KIF26B: variants seen among roughly 807,000 people sequenced by gnomAD.
The protein encoded by KIF26B is kinesin-like protein KIF26B.
In KIF26B, 63 loss-of-function variants were observed where a neutral mutation model predicts 151.2. That is an observed-to-expected ratio of 0.42 (90% CI 0.34 to 0.51). The LOEUF is 0.51. KIF26B is among the 20% of genes least tolerant of loss of function. The pLI is 0.07. For synonymous variants in KIF26B, 1,357 were observed against 1,262.1 expected (o/e 1.08, Z -1.59); for missense variants, 2,813 against 2,913.6 (o/e 0.97, Z 0.79).
rs1050554450 is a variant in KIF26B, at chr1:245,218,219, G to A, written c.465+61536G>A. 6.6e-6 allele frequency among the ~76,000 whole-genome samples: 1 copy of A among 152,088 alleles called. No homozygotes were observed. Among genetic ancestry groups the A allele is most frequent in the Non-Finnish European group, 1.5e-5 (1 of 68,014 alleles). ...TCATGTCACCAGAGCAGTGACATTC[G>A]GGCCCTCGGGGGCAGACTGTGCCTG... On this transcript the variant is annotated intron_variant, in intron 2 of 14. Coordinates refer to ENST00000407071, the MANE Select transcript of KIF26B (RefSeq NM_018012.4). This position sits in a 1 kb window ranked among gnomAD's most constrained non-coding sequence, Gnocchi z 4.1.
In KIF26B at chr1:245,698,592, G is replaced by A. The variant is rs2044725791; in HGVS notation, c.6027+284G>A. On this transcript the variant is annotated intron_variant, in intron 13 of 14. Coordinates refer to ENST00000407071, the MANE Select transcript of KIF26B (RefSeq NM_018012.4). The surrounding 1 kb of genome is among the most constrained non-coding windows in gnomAD (Gnocchi z 4.0). ...CTTTTCTGGCTCCTTGAGGCTCCCA[G>A]TCTTAACCAACCTTTGTCCAACTTG... Among the ~76,000 whole-genome samples the A allele has an allele frequency of 6.6e-6, 1 of 152,220 alleles. No homozygotes were observed. The highest frequency in any genetic ancestry group is 2.4e-5 in the African/African-American group (1 of 41,458).
rs185603287 is a variant in KIF26B, at chr1:245,273,306, T to A, written c.466-93528T>A. On this transcript the variant is annotated intron_variant, in intron 2 of 14. Transcript: ENST00000407071. ...TGTGGCACATGCCAGTCATCTCAGCTACTTGGGAGGCTGAGGCCAGAGAAT... is the reference window on the plus strand; with the variant it reads ...TGTGGCACATGCCAGTCATCTCAGCAACTTGGGAGGCTGAGGCCAGAGAAT... Among the ~76,000 whole-genome samples, 214 of 151,914 alleles carry A rather than the reference T, an allele frequency of 1.4e-3. 1 individual carries two copies. Among genetic ancestry groups the A allele is most frequent in the East Asian group, 3.9e-4 (2 of 5,162 alleles).
At chr1:245,371,274 C>G (rs934232338) in intron 3 of KIF26B, 2 of 152,542 alleles carry the variant, frequency 1.3e-5, no homozygotes, top group Non-Finnish European at 2.9e-5. Flanking sequence ...TGGGTCTGGC[C>G]AGACTGAGTG....
chr1:245,230,472 G>A (rs559665562), intron 2 of KIF26B, among the ~76,000 whole-genome samples: 297 of 152,326 alleles, frequency 1.9e-3, no homozygotes, highest in Middle Eastern at 3.4e-3. Flanking sequence ...GCCGGGCGTG[G>A]TGGCTCACGC....
chr1:245,670,529 TA>T (rs34620056), intron 10 of KIF26B, among the ~76,000 whole-genome samples: 48,949 of 148,862 alleles, frequency 0.33, 9,161 homozygotes, highest in Non-Finnish European at 0.42. Context: ...ATGTCTCATT[TA>T]AAAAAAAAAG....
rs182651970 is a variant in KIF26B, at chr1:245,414,156, G to A, written c.1000-5423G>A. On this transcript the variant is annotated intron_variant, in intron 3 of 14. Coordinates refer to ENST00000407071, the MANE Select transcript of KIF26B (RefSeq NM_018012.4). Reference sequence around the variant, plus strand: ...CATCCCCACACCCAGTGGAGTTAGCGTAGCCAAGGCTTCCAGCAGAGTTTT... The same window carrying A: ...CATCCCCACACCCAGTGGAGTTAGCATAGCCAAGGCTTCCAGCAGAGTTTT... 6.7e-4 allele frequency among the ~76,000 whole-genome samples: 102 copies of A among 152,334 alleles called. 1 individual carries two copies. The highest frequency in any genetic ancestry group is 2.3e-3 in the African/African-American group (94 of 41,578).
Position 245,239,213 on chromosome 1 carries a change from A to G in KIF26B, c.465+82530A>G, listed in dbSNP as rs1460739736. ...AACGCGTCCTCCAGAGAATGCCTCC[A>G]TGTTCTTCCGTCATCCGTGCAGATA... On this transcript the variant is annotated intron_variant, in intron 2 of 14. Transcript: ENST00000407071. The surrounding 1 kb of genome is among the most constrained non-coding windows in gnomAD (Gnocchi z 4.3). 2.0e-5 allele frequency among the ~76,000 whole-genome samples: 3 copies of G among 152,196 alleles called. No homozygotes were observed. Among genetic ancestry groups the G allele is most frequent in the African/African-American group, 7.2e-5 (3 of 41,454 alleles).
Position 245,220,797 on chromosome 1 carries a change from C to A in KIF26B, c.465+64114C>A, listed in dbSNP as rs117279582. Among the ~76,000 whole-genome samples the A allele has an allele frequency of 3.4e-4, 51 of 151,438 alleles. 2 individuals carry two copies. The East Asian group carries it at 9.8e-3, about 29-fold the overall frequency. On this transcript the variant is annotated intron_variant, in intron 2 of 14. Transcript: ENST00000407071. The stretch of plus-strand genomic sequence containing the variant: ...GAGGATGGGGTGTGGGTTTTGGGGG[C>A]TGGGGTGGGTATGGACAGGCTTTTG...
chr1:245,559,841 C>T, intron 5 of KIF26B, among the ~76,000 whole-genome samples: 1 of 152,134 alleles, frequency 6.6e-6, no homozygotes, highest in East Asian at 1.9e-4. Flanking sequence ...CCACCACACC[C>T]AGCCTAACAA....
rs58620865 is a variant in KIF26B, at chr1:245,232,551, G to GTT, written c.465+75883_465+75884dup. 1.5e-3 allele frequency among the ~76,000 whole-genome samples: 192 copies of GTT among 131,772 alleles called. 1 individual carries two copies. The highest frequency in any genetic ancestry group is 4.5e-3 in the African/African-American group (164 of 36,118). 86.4% of individuals were successfully genotyped at this position (131,772 alleles called of 152,430 possible). Reference sequence around the variant, plus strand: ...GTAGCAAATACATGTGGTTTCATTTGTTTTTTTTTTTTTTTTGAGATGGAG... The same window carrying GTT: ...GTAGCAAATACATGTGGTTTCATTTGTTTTTTTTTTTTTTTTTTGAGATGGAG... On this transcript the variant is annotated intron_variant, in intron 2 of 14. Coordinates refer to ENST00000407071, the MANE Select transcript of KIF26B (RefSeq NM_018012.4).
At chr1:245,202,752 T>C (rs1185849258) in intron 2 of KIF26B, among the ~76,000 whole-genome samples, 21 of 65,062 alleles carry the variant, frequency 3.2e-4, no homozygotes, top group African/African-American at 8.1e-4. Flanking sequence ...AGAGCGAGAC[T>C]CCATCTCAAA....
intron 10 of KIF26B, among the ~76,000 whole-genome samples, chr1:245,661,423 C>A (rs2044136647): frequency 6.6e-6 from 1 of 151,966 alleles, no homozygotes; most frequent in Non-Finnish European, 1.5e-5. Flanking sequence ...CTGCTTTGAT[C>A]CCACTGTTAG....
At chr1:245,230,281 G>A (rs778876584) in intron 2 of KIF26B, among the ~76,000 whole-genome samples, 1 of 151,990 alleles carries the variant, frequency 6.6e-6, no homozygotes, top group Non-Finnish European at 1.5e-5. Context: ...CACCAAAAAC[G>A]ATGTTACTTC....
At chr1:245,491,734 C>A (rs1006151130) in intron 4 of KIF26B, among the ~76,000 whole-genome samples, 1 of 152,064 alleles carries the variant, frequency 6.6e-6, no homozygotes, top group Admixed American at 6.5e-5. Context: ...ATAGTGAAAC[C>A]CCATCTCTAC....
chr1:245,357,585 T>G (rs915751892), intron 2 of KIF26B, among the ~76,000 whole-genome samples: 3 of 152,226 alleles, frequency 2.0e-5, no homozygotes, highest in Non-Finnish European at 4.4e-5. Context: ...TTGATATTTT[T>G]GGACATATGT....
chr1:245,609,520 G>T lies in KIF26B; in HGVS notation c.1906G>T (p.Gly636Cys). 9 of 1,545,552 alleles carry T rather than the reference G, an allele frequency of 5.8e-6. No homozygotes were observed. Among genetic ancestry groups the T allele is most frequent in the Non-Finnish European group, 7.9e-6 (9 of 1,144,440 alleles). ...GTACCTCTGTGAGGACCCCATCTGC[G>T]GCACGCAGGTGATTGCTTCTGAAGC... ...GVYLCEDPIC[G>C]TQLQNQSELR... Residue 636 changes from glycine (G) to cysteine (C), a missense_variant, in exon 8 of 15, where the codon GGC (glycine) becomes TGC (cysteine). By Grantham distance (159) the Gly-to-Cys change is radical. Around this residue, in one of 3 missense-constraint regions of KIF26B, gnomAD observed 2,060 missense variants for 2,088.6 expected, o/e 0.99. Coordinates refer to ENST00000407071, the MANE Select transcript of KIF26B (RefSeq NM_018012.4).
chr1:245,566,543 A>G (rs949793042), intron 5 of KIF26B, among the ~76,000 whole-genome samples: 1 of 152,266 alleles, frequency 6.6e-6, no homozygotes, highest in Non-Finnish European at 1.5e-5. Flanking sequence ...TGTTTTAAAG[A>G]AGAAAGAGAA....
At chr1:245,211,003 C>T (rs1221383809) in intron 2 of KIF26B, among the ~76,000 whole-genome samples, 2 of 152,158 alleles carry the variant, frequency 1.3e-5, no homozygotes, top group Non-Finnish European at 2.9e-5. Context: ...AAAATATATC[C>T]CTCAGGAGTA....
chr1:245,281,989 G>C (rs916446456), intron 2 of KIF26B, among the ~76,000 whole-genome samples: 1 of 152,082 alleles, frequency 6.6e-6, no homozygotes, highest in African/African-American at 2.4e-5. Context: ...CCAGTACCAT[G>C]CTGTTTTGGT....
Sources: gnomAD v4.1 joint callset for allele counts (sites outside exome capture counted in the v4.1 genomes callset) on GRCh38, gnomAD v4.1.1 for gene constraint, gnomAD v4.1.1 regional missense constraint, Gnocchi (gnomAD v3.1) non-coding constraint, MANE v1.5 for transcripts, NCBI Gene and HGNC (gene_info 2026-07-23, HGNC 2026-07-21) for gene names.